The following TBC1D8 variants were observed in gnomAD, a reference collection of about 807,000 sequenced individuals.
TBC1D8 encodes the protein TBC1 domain family member 8.
In TBC1D8, 65 loss-of-function variants were observed where a neutral mutation model predicts 118.8. The observed-to-expected ratio is 0.55, with a 90% CI of 0.45 to 0.67. The LOEUF (loss-of-function observed/expected upper bound fraction) is 0.67, where lower values mean the gene tolerates loss of function less well. TBC1D8 is among the 30% of genes least tolerant of loss of function. The pLI is 0.00. For missense variants in TBC1D8, 1,376 were observed against 1,471.2 expected, an observed-to-expected ratio of 0.94 and a Z score of 1.06; for synonymous variants, 566 against 595.8, an observed-to-expected ratio of 0.95 and a Z score of 0.73.
chr2:101,120,205 C>T (rs1678031799), intron 1 of TBC1D8, among the ~76,000 whole-genome samples: 3 of 152,208 alleles, frequency 2.0e-5, no homozygotes, highest in Admixed American at 2.0e-4. Flanking sequence ...CCACAACACA[C>T]TGGAGAGTCA....
chr2:101,074,872 C>G (rs1674709553), intron 2 of TBC1D8, among the ~76,000 whole-genome samples: 1 of 152,112 alleles, frequency 6.6e-6, no homozygotes, highest in Non-Finnish European at 1.5e-5. Flanking sequence ...ACTTGAAAAG[C>G]CTTAGAGGCA....
chr2:101,011,846 C>A (rs555867974), intron 17 of TBC1D8, among the ~76,000 whole-genome samples: 1 of 152,150 alleles, frequency 6.6e-6, no homozygotes, highest in Non-Finnish European at 1.5e-5. Flanking sequence ...GTAGTGAAAT[C>A]CCATTTTGTA....
chr2:101,077,786 T>C (rs1674946169), intron 2 of TBC1D8, among the ~76,000 whole-genome samples: 1 of 152,050 alleles, frequency 6.6e-6, no homozygotes. Flanking sequence ...TAAAGCACCC[T>C]TGGAAAATGA....
intron 1 of TBC1D8, among the ~76,000 whole-genome samples, chr2:101,148,442 T>TA: frequency 6.6e-6 from 1 of 151,784 alleles, no homozygotes; most frequent in South Asian, 2.1e-4. Flanking sequence ...ATGAAAAAAA[T>TA]AAATTGGTAT....
intron 17 of TBC1D8, chr2:101,018,884 C>A: frequency 7.2e-7 from 1 of 1,382,694 alleles, no homozygotes; most frequent in South Asian, 1.3e-5. Flanking sequence ...TGGCCAATAT[C>A]CGTAGGTTTA....
chr2:101,033,249 T>A, intron 10 of TBC1D8: 4 of 411,666 alleles, frequency 9.7e-6, no homozygotes, highest in South Asian at 8.2e-5. Flanking sequence ...CCTGAGTAGC[T>A]GGGATTACAG....
At chr2:101,129,048 C>A (rs542815039) in intron 1 of TBC1D8, among the ~76,000 whole-genome samples, 1 of 151,988 alleles carries the variant, frequency 6.6e-6, no homozygotes, top group Admixed American at 6.5e-5. Flanking sequence ...CACAACACTG[C>A]GAATGTATGT....
intron 1 of TBC1D8, among the ~76,000 whole-genome samples, chr2:101,115,375 T>C (rs1372653570): frequency 1.3e-5 from 2 of 152,234 alleles, no homozygotes; most frequent in South Asian, 2.1e-4. Context: ...GTCTCTTTAT[T>C]AGCAGGAGTT....
intron 15 of TBC1D8, chr2:101,023,729 A>T (rs1329406387): frequency 8.4e-6 from 3 of 356,992 alleles, no homozygotes; most frequent in Non-Finnish European, 1.7e-5. Flanking sequence ...CATCATTTCC[A>T]CCCATACTAA....
At chr2:101,087,553 G>C (rs989365968) in intron 2 of TBC1D8, among the ~76,000 whole-genome samples, 1 of 149,832 alleles carries the variant, frequency 6.7e-6, no homozygotes. Context: ...TGAGGCAGGA[G>C]AATCACTTGA....
At chr2:101,013,868 T>C (rs1302116179) in intron 17 of TBC1D8, among the ~76,000 whole-genome samples, 2 of 152,248 alleles carry the variant, frequency 1.3e-5, no homozygotes, top group African/African-American at 4.8e-5. Flanking sequence ...ACCATGCTTA[T>C]TTTGCAAAAG....
At chr2:101,032,529 A>G (rs531902864) in intron 10 of TBC1D8, 144 bp from the exon 11 acceptor site, 2 of 641,336 alleles carry the variant, frequency 3.1e-6, no homozygotes, top group East Asian at 5.6e-5. Context: ...CTGACACTGT[A>G]CAGTGGAATG....
At chr2:101,095,396 C>G (rs185772518) in intron 1 of TBC1D8, among the ~76,000 whole-genome samples, 2 of 135,688 alleles carry the variant, frequency 1.5e-5, no homozygotes, top group Non-Finnish European at 3.2e-5. Flanking sequence ...TGCTATCTCC[C>G]CCCCCCTCCC....
chr2:101,033,283 A>T lies in TBC1D8; in HGVS notation c.1818+261T>A. The T allele has an allele frequency of 6.0e-6, 3 of 498,970 alleles. No individual in the cohort carries two copies. The Admixed American group carries it at 8.7e-5, about 15-fold the overall frequency. 30.9% of individuals were successfully genotyped at this position (498,970 alleles called of 1,614,324 possible). A position where few individuals can be genotyped will look rare whatever the true frequency, so the allele number is the denominator to read the frequency against. On this transcript the variant is annotated intron_variant, in intron 10 of 19. Coordinates refer to ENST00000409318, the MANE Select transcript of TBC1D8 (RefSeq NM_001330348.2). ...AGGCACGCGCCACCATGCCCAGCTA[A>T]TTTTTGTATTTTTAGTAGATGGGGT...
chr2:101,138,473 C>T (rs959613190), intron 1 of TBC1D8, among the ~76,000 whole-genome samples: 4 of 152,124 alleles, frequency 2.6e-5, no homozygotes, highest in South Asian at 2.1e-4. Flanking sequence ...CTCGGTCCCA[C>T]GAGACTGGCC....
intron 15 of TBC1D8, among the ~76,000 whole-genome samples, chr2:101,025,602 G>A (rs1465619366): frequency 6.6e-6 from 1 of 152,088 alleles, no homozygotes; most frequent in East Asian, 1.9e-4. Context: ...TAATGGTAAG[G>A]TATAATTTTA....
intron 9 of TBC1D8, among the ~76,000 whole-genome samples, chr2:101,034,206 G>A (rs929747306): frequency 1.3e-5 from 2 of 152,172 alleles, no homozygotes; most frequent in East Asian, 1.9e-4. Context: ...AAAAGAAATA[G>A]TATGGCTTTT....
chr2:101,024,155 GC>G (rs1308666834), intron 15 of TBC1D8: 1 of 152,172 alleles, frequency 6.6e-6, no homozygotes. Flanking sequence ...TACATAGAAT[GC>G]CACAGGAAAA....
chr2:101,068,849 A>C (rs1683153554), intron 2 of TBC1D8, among the ~76,000 whole-genome samples: 1 of 152,024 alleles, frequency 6.6e-6, no homozygotes. Flanking sequence ...AAATACAAAA[A>C]TTAGCTGAGC....
Sources: allele counts gnomAD v4.1 joint callset (sites outside exome capture counted in the v4.1 genomes callset), GRCh38; gene constraint gnomAD v4.1.1; transcripts MANE v1.5; gene names NCBI Gene and HGNC (gene_info 2026-07-23, HGNC 2026-07-21).